Variants in RTN4 observed in about 807,000 individuals in gnomAD.
RTN4 encodes reticulon-4.
Under a neutral mutation model 90.4 loss-of-function variants are expected in RTN4, and 32 were observed. The ratio of observed to expected loss-of-function variants is 0.35; its 90% CI spans 0.27 to 0.48. The LOEUF (loss-of-function observed/expected upper bound fraction) is 0.48, where lower values mean the gene tolerates loss of function less well. Ranked by LOEUF, RTN4 falls within the 20% of genes least tolerant of loss-of-function variation. The pLI, the probability that RTN4 is intolerant of heterozygous loss-of-function variation, is 0.99. For synonymous variants in RTN4, 629 were observed against 552.5 expected (o/e 1.14, Z -1.94); for missense variants, 1,706 against 1,430.2 (o/e 1.19, Z -3.11).
At chr2:55,099,223 G>T (rs1186575640) in intron 1 of RTN4, among the ~76,000 whole-genome samples, 2 of 152,092 alleles carry the variant, frequency 1.3e-5, no homozygotes, top group African/African-American at 4.8e-5. Flanking sequence ...TTATTTACCG[G>T]TTATCAGTTC....
chr2:55,020,496 A>G (rs1248961170), intron 3 of RTN4, among the ~76,000 whole-genome samples: 1 of 152,182 alleles, frequency 6.6e-6, no homozygotes, highest in Non-Finnish European at 1.5e-5. Context: ...GAGAAAAAAA[A>G]TCAGTATTTA....
chr2:55,111,705 C>T (rs144375934), intron 1 of RTN4, among the ~76,000 whole-genome samples: 13 of 152,278 alleles, frequency 8.5e-5, no homozygotes, highest in African/African-American at 2.2e-4. Context: ...TCAACGAAAT[C>T]GAAGCCCAAC....
At chr2:55,100,348 C>T (rs1667830416) in intron 1 of RTN4, among the ~76,000 whole-genome samples, 1 of 152,106 alleles carries the variant, frequency 6.6e-6, no homozygotes, top group African/African-American at 2.4e-5. Context: ...CTCCAGATCC[C>T]TTTCTAATCA....
At chr2:55,043,751 T>C (rs951593162) in intron 1 of RTN4, among the ~76,000 whole-genome samples, 3 of 152,100 alleles carry the variant, frequency 2.0e-5, no homozygotes, top group Non-Finnish European at 4.4e-5. Context: ...CCAGGTGTGG[T>C]GGCACATGCC....
At chr2:55,054,250 C>G (rs1573485221), upstream of RTN4, among the ~76,000 whole-genome samples, 1 of 152,234 alleles carries the variant, frequency 6.6e-6, no homozygotes, top group East Asian at 1.9e-4. Context: ...GTTGACTGCT[C>G]TTGAAACAGG....
intron 3 of RTN4, among the ~76,000 whole-genome samples, chr2:55,000,702 T>C (rs909977845): frequency 7.2e-5 from 11 of 152,156 alleles, no homozygotes; most frequent in African/African-American, 2.2e-4. Context: ...AAACTGAAAT[T>C]CAAGTCTGAC....
At chr2:55,078,793 G>A (rs574883508) in intron 2 of RTN4, among the ~76,000 whole-genome samples, 1 of 152,184 alleles carries the variant, frequency 6.6e-6, no homozygotes, top group African/African-American at 2.4e-5. Flanking sequence ...TGTGAAATTT[G>A]AGGTTACTAA....
chr2:55,033,380 C>T (rs928594064), intron 1 of RTN4, among the ~76,000 whole-genome samples: 6 of 152,194 alleles, frequency 3.9e-5, no homozygotes, highest in African/African-American at 1.2e-4. Context: ...TCCTTATTTG[C>T]TCATTTACCT....
chr2:55,001,258 G>A (rs766622408), intron 3 of RTN4, among the ~76,000 whole-genome samples: 1 of 152,040 alleles, frequency 6.6e-6, no homozygotes, highest in Non-Finnish European at 1.5e-5. Flanking sequence ...AGAACAAACG[G>A]CCTTTACAAT....
At chr2:55,044,623 T>C (rs572165095) in intron 1 of RTN4, among the ~76,000 whole-genome samples, 13 of 152,090 alleles carry the variant, frequency 8.5e-5, no homozygotes, top group Middle Eastern at 3.4e-3. Context: ...CATGCTCCTT[T>C]TCAGAAATGT....
chr2:55,126,796 T>C, the RTN4 span, among the ~76,000 whole-genome samples: 12 of 151,786 alleles, frequency 7.9e-5, no homozygotes, highest in African/African-American at 2.4e-4. Flanking sequence ...CAGTGACAGA[T>C]TGGATAAAGA....
rs200177668 is a variant in RTN4 at position 54,972,613 on chromosome 2, C to T, written c.*543G>A. 1 of 152,560 alleles carries T rather than the reference C, an allele frequency of 6.6e-6. No homozygotes were observed. The highest frequency in any genetic ancestry group is 2.4e-5 in the African/African-American group (1 of 41,422). The allele number at this position is 152,560 out of a possible 1,614,324, so 9.5% of individuals were successfully genotyped here. A position where few individuals can be genotyped will look rare whatever the true frequency, so the allele number is the denominator to read the frequency against. On this transcript the variant is annotated 3_prime_UTR_variant, in exon 9 of 9. Coordinates refer to ENST00000337526, the MANE Select transcript of RTN4 (RefSeq NM_020532.5). ...TTGTGAAACACTATACATATATAAT[C>T]TATATTTACTTATATTGGCAATTAA...
the RTN4 span, among the ~76,000 whole-genome samples, chr2:55,126,717 C>T: frequency 6.6e-6 from 1 of 152,200 alleles, no homozygotes. Context: ...CATAAAGAAA[C>T]ATGCATGTGA....
At chr2:55,104,473 C>T (rs1166734375) in intron 1 of RTN4, among the ~76,000 whole-genome samples, 1 of 151,998 alleles carries the variant, frequency 6.6e-6, no homozygotes, top group African/African-American at 2.4e-5. Context: ...GCTTCAGCCT[C>T]CCGAGTATCT....
At chr2:55,058,217 A>C (rs1668223464) in intron 2 of RTN4, among the ~76,000 whole-genome samples, 1 of 152,196 alleles carries the variant, frequency 6.6e-6, no homozygotes, top group Admixed American at 6.5e-5. Context: ...AATATTACTA[A>C]ATTAATCTTC....
intron 2 of RTN4, among the ~76,000 whole-genome samples, chr2:55,063,554 G>A (rs1326641671): frequency 1.3e-5 from 2 of 151,962 alleles, no homozygotes; most frequent in South Asian, 4.2e-4. Flanking sequence ...AATGGTAAGG[G>A]TTGTAAGCAG....
chr2:55,081,293 G>C (rs1187442334), intron 1 of RTN4, among the ~76,000 whole-genome samples: 7 of 151,762 alleles, frequency 4.6e-5, no homozygotes, highest in Non-Finnish European at 1.0e-4. Context: ...TCCAGCCTCG[G>C]CTCGAACTCC....
At chr2:54,987,846 T>TA (rs1278454821) in intron 3 of RTN4, 148 bp from the exon 4 acceptor site, 1 of 661,554 alleles carries the variant, frequency 1.5e-6, no homozygotes, top group African/African-American at 1.8e-5. Flanking sequence ...ACTAACTTTA[T>TA]AACCCACATT....
chr2:55,067,617 G>A (rs1488612819), intron 2 of RTN4, among the ~76,000 whole-genome samples: 3 of 152,060 alleles, frequency 2.0e-5, no homozygotes, highest in Admixed American at 6.5e-5. Context: ...ATTTCACCAT[G>A]TTGGCCAGGC....
Sources: gnomAD v4.1 joint callset for allele counts (sites outside exome capture counted in the v4.1 genomes callset) on GRCh38, gnomAD v4.1.1 for gene constraint, MANE v1.5 for transcripts, NCBI Gene and HGNC (gene_info 2026-07-23, HGNC 2026-07-21) for gene names.